Variants in PALS1 observed in about 807,000 individuals in gnomAD.
PALS1 encodes protein PALS1.
Under a neutral mutation model 78.9 loss-of-function variants are expected in PALS1, and 31 were observed. The observed-to-expected ratio is 0.39, with a 90% CI of 0.30 to 0.53. PALS1 has a LOEUF of 0.53. PALS1 is among the 20% of genes least tolerant of loss of function. PALS1 has a pLI of 0.67. For synonymous variants in PALS1, 276 were observed against 270.9 expected (o/e 1.02, Z -0.18); for missense variants, 704 against 826.5 (o/e 0.85, Z 1.82).
intron 3 of PALS1, among the ~76,000 whole-genome samples, chr14:67,282,180 G>A (rs1054177495): frequency 1.3e-5 from 2 of 152,146 alleles, no homozygotes; most frequent in East Asian, 3.8e-4. Flanking sequence ...TTAAAGTGAA[G>A]TGTAATAGCT....
At chr14:67,312,504 T>G (rs1217519184) in intron 8 of PALS1, 23 bp from the exon 9 acceptor site, 24 of 1,496,856 alleles carry the variant, frequency 1.6e-5, no homozygotes, top group Non-Finnish European at 2.0e-5. Context: ...TTTATTGTTG[T>G]TTTTGCCCTT....
At chr14:67,313,432 CCACCA>C (rs2085123444) in intron 9 of PALS1, among the ~76,000 whole-genome samples, 1 of 152,150 alleles carries the variant, frequency 6.6e-6, no homozygotes, top group African/African-American at 2.4e-5. Flanking sequence ...ATTCCTCCAA[CCACCA>C]TCATATATAT....
At chr14:67,267,304 GC>G (rs2084344099) in intron 1 of PALS1, among the ~76,000 whole-genome samples, 1 of 151,826 alleles carries the variant, frequency 6.6e-6, no homozygotes, top group Non-Finnish European at 1.5e-5. Context: ...TGTCGCCCAG[GC>G]TGGAGTGCAA....
At chr14:67,320,631 C>A (rs996587937) in intron 12 of PALS1, among the ~76,000 whole-genome samples, 2 of 152,180 alleles carry the variant, frequency 1.3e-5, no homozygotes, top group Admixed American at 6.6e-5. Flanking sequence ...TCAGTTTGGG[C>A]CCCTTATAAT....
At position 67,333,790 on chromosome 14, in the gene PALS1, G is replaced by A. The variant is rs530823597; in HGVS notation, c.*834G>A. On this transcript the variant is annotated 3_prime_UTR_variant, in exon 15 of 15. Transcript: ENST00000261681. ...GTATGTTACATTTTTATGAATGGCAGGTGTTCATTATAATCTGTATTGACT... is the reference window on the plus strand; with the variant it reads ...GTATGTTACATTTTTATGAATGGCAAGTGTTCATTATAATCTGTATTGACT... 1 of 150,784 alleles carries A rather than the reference G, an allele frequency of 6.6e-6. No homozygotes were observed. The highest frequency in any genetic ancestry group is 2.5e-5 in the African/African-American group (1 of 40,294). The allele number at this position is 150,784 out of a possible 1,614,324, so 9.3% of individuals were successfully genotyped here.
chr14:67,256,059 TTG>T (rs1199874108), intron 1 of PALS1, among the ~76,000 whole-genome samples: 1 of 151,874 alleles, frequency 6.6e-6, no homozygotes, highest in Admixed American at 6.6e-5. Flanking sequence ...AGTAATATCT[TTG>T]TGTTTTTTCC....
intron 1 of PALS1, among the ~76,000 whole-genome samples, chr14:67,249,761 A>G (rs910443193): frequency 3.9e-5 from 6 of 152,220 alleles, no homozygotes; most frequent in African/African-American, 7.2e-5. Flanking sequence ...TGTCACAGAA[A>G]AGGTTTGAGA....
chr14:67,301,322 C>T (rs2084930057), intron 4 of PALS1, 67 bp from the exon 5 acceptor site: 5 of 855,962 alleles, frequency 5.8e-6, no homozygotes, highest in South Asian at 4.4e-5. Context: ...AAAATATGAC[C>T]CTGCATACAG....
chr14:67,306,196 C>T (rs2085000024), intron 8 of PALS1, among the ~76,000 whole-genome samples: 1 of 152,198 alleles, frequency 6.6e-6, no homozygotes, highest in African/African-American at 2.4e-5. Flanking sequence ...TCTCGAACTC[C>T]TGACCTCAGG....
intron 1 of PALS1, among the ~76,000 whole-genome samples, chr14:67,245,550 T>C (rs1012282930): frequency 3.9e-5 from 6 of 152,178 alleles, no homozygotes; most frequent in Admixed American, 2.0e-4. Context: ...GGGGTCTCAC[T>C]ATGTTTCCCA....
intron 3 of PALS1, among the ~76,000 whole-genome samples, chr14:67,291,148 G>A (rs1396101820): frequency 3.3e-5 from 5 of 151,700 alleles, no homozygotes; most frequent in African/African-American, 1.2e-4. Context: ...ATTGGAAAAC[G>A]ATTCCCAACA....
intron 3 of PALS1, among the ~76,000 whole-genome samples, chr14:67,291,476 G>C (rs2084773188): frequency 6.6e-6 from 1 of 151,940 alleles, no homozygotes; most frequent in African/African-American, 2.4e-5. Flanking sequence ...ATAGAGACGG[G>C]GTTTTACCAT....
chr14:67,247,616 A>G (rs889521052), intron 1 of PALS1, among the ~76,000 whole-genome samples: 1 of 151,748 alleles, frequency 6.6e-6, no homozygotes. Flanking sequence ...GTCTCACTCT[A>G]TCCCCAGGCT....
chr14:67,307,132 T>C (rs2085016520), intron 8 of PALS1, among the ~76,000 whole-genome samples: 2 of 152,200 alleles, frequency 1.3e-5, no homozygotes, highest in African/African-American at 4.8e-5. Flanking sequence ...GCTCTTTCAG[T>C]AGCAGAGGGC....
Position 67,292,634 on chromosome 14 carries a change from A to C in PALS1, c.491A>C (p.Lys164Thr). ...AATAAGGATTTCCAGAATGCATTTAAGATACACAATGCCATCACAGTACAC... is the reference window on the plus strand; with the variant it reads ...AATAAGGATTTCCAGAATGCATTTACGATACACAATGCCATCACAGTACAC... ...VQNKDFQNAF[K>T]IHNAITVHMN... is the part of the protein sequence containing the mutation. Residue 164 changes from lysine to threonine, a missense_variant, in exon 4 of 15, where the codon AAG becomes ACG. Transcript: ENST00000261681. 6.2e-7 allele frequency: 1 copy of C among 1,613,752 alleles called. No homozygotes were observed. Among genetic ancestry groups the C allele is most frequent in the Non-Finnish European group, 8.5e-7 (1 of 1,179,744 alleles).
intron 1 of PALS1, among the ~76,000 whole-genome samples, chr14:67,257,918 A>G (rs556443785): frequency 6.6e-6 from 1 of 152,160 alleles, no homozygotes; most frequent in Non-Finnish European, 1.5e-5. Context: ...GGGGCCCCTT[A>G]TATGGAGTGT....
intron 1 of PALS1, among the ~76,000 whole-genome samples, chr14:67,262,784 C>T (rs767253798): frequency 7.2e-5 from 11 of 152,106 alleles, no homozygotes; most frequent in Non-Finnish European, 1.2e-4. Flanking sequence ...CTATCTCTTA[C>T]GGTGGCTCTG....
At chr14:67,323,918 C>T in intron 14 of PALS1, 106 bp downstream of exon 14, 1 of 630,210 alleles carries the variant, frequency 1.6e-6, no homozygotes, top group South Asian at 2.1e-5. Context: ...AGCTTTCAAA[C>T]TGATTATTTT....
At chr14:67,329,436 G>A (rs998818462) in intron 14 of PALS1, among the ~76,000 whole-genome samples, 3 of 152,124 alleles carry the variant, frequency 2.0e-5, no homozygotes, top group African/African-American at 7.2e-5. Flanking sequence ...GGGATAATTC[G>A]ACTTCCTCTT....
Sources: gnomAD v4.1 joint callset for allele counts (sites outside exome capture counted in the v4.1 genomes callset) on GRCh38, gnomAD v4.1.1 for gene constraint, MANE v1.5 for transcripts, NCBI Gene and HGNC (gene_info 2026-07-23, HGNC 2026-07-21) for gene names.